The following RAB18 variants were observed in gnomAD, a reference collection of about 807,000 sequenced individuals.
RAB18 encodes the protein RAB18, member RAS oncogene family.
A neutral mutation model predicts 28.5 loss-of-function variants in RAB18; 10 were observed. The ratio of observed to expected loss-of-function variants is 0.35; its 90% CI spans 0.22 to 0.60. The LOEUF (loss-of-function observed/expected upper bound fraction) is 0.60. Ranked by LOEUF, RAB18 falls within the 20% of genes least tolerant of loss-of-function variation. RAB18 has a pLI of 0.78. For synonymous variants in RAB18, 93 were observed against 86.9 expected, an observed-to-expected ratio of 1.07 and a Z score of -0.39; for missense variants, 188 against 244.2, an observed-to-expected ratio of 0.77 and a Z score of 1.53.
rs1163930125 is a variant in RAB18, at chr10:27,541,206, T to C, written c.*3155T>C. On this transcript the variant is annotated 3_prime_UTR_variant, in exon 7 of 7. Coordinates refer to ENST00000356940, the MANE Select transcript of RAB18 (RefSeq NM_021252.5). The stretch of plus-strand genomic sequence containing the variant: ...AGCTTTCAGAAGACATTGTTCTGAC[T>C]CCGACCCTGCCGTGTATACTCAACT... 1 of 454,114 alleles carries C rather than the reference T, an allele frequency of 2.2e-6. No homozygotes were observed. The highest frequency in any genetic ancestry group is 4.4e-6 in the Non-Finnish European group (1 of 226,790). The allele number at this position is 454,114 out of a possible 1,614,324, so 28.1% of individuals were successfully genotyped here. A position where few individuals can be genotyped will look rare whatever the true frequency, so the allele number is the denominator to read the frequency against.
At chr10:27,525,889 G>T (rs1424862844) in intron 2 of RAB18, among the ~76,000 whole-genome samples, 1 of 152,196 alleles carries the variant, frequency 6.6e-6, no homozygotes, top group African/African-American at 2.4e-5. Context: ...GTTCATCTTA[G>T]TTGGGGCTGT....
At chr10:27,528,655 T>G (rs1401356493) in intron 3 of RAB18, among the ~76,000 whole-genome samples, 1 of 152,122 alleles carries the variant, frequency 6.6e-6, no homozygotes, top group East Asian at 1.9e-4. Flanking sequence ...CAGTGAGAGA[T>G]ACTTACATTT....
In RAB18 at chr10:27,541,948, C is replaced by T. The variant is rs1040069995; in HGVS notation, c.*3897C>T. ...CCCCACTTCCCCAGTAGCAATGGTT[C>T]AGGGGTAGGCACCTGACCCAGACCA... On this transcript the variant is annotated 3_prime_UTR_variant, in exon 7 of 7. Transcript: ENST00000356940. 3 of 453,718 alleles carry T rather than the reference C, an allele frequency of 6.6e-6. No homozygotes were observed. Among genetic ancestry groups the T allele is most frequent in the Admixed American group, 2.4e-5 (1 of 42,508 alleles). The allele number at this position is 453,718 out of a possible 1,614,324, so 28.1% of individuals were successfully genotyped here.
In RAB18 at chr10:27,538,262, A is replaced by G. The variant is rs1202542631; in HGVS notation, c.*211A>G. ...TTTGCAGTCTACAGTTTTTTTATGTAGCACAAAATAGGTGTACCTTTATAA... is the reference window on the plus strand; with the variant it reads ...TTTGCAGTCTACAGTTTTTTTATGTGGCACAAAATAGGTGTACCTTTATAA... On this transcript the variant is annotated 3_prime_UTR_variant, in exon 7 of 7. Coordinates refer to ENST00000356940, the MANE Select transcript of RAB18 (RefSeq NM_021252.5). The G allele has an allele frequency of 2.9e-6, 2 of 679,146 alleles. No homozygotes were observed. Among genetic ancestry groups the G allele is most frequent in the African/African-American group, 3.5e-5 (2 of 56,638 alleles). 42.1% of individuals were successfully genotyped at this position (679,146 alleles called of 1,614,324 possible).
Position 27,504,330 on chromosome 10 carries a change from C to G in RAB18, c.-40C>G. 9 of 1,555,872 alleles carry G rather than the reference C, an allele frequency of 5.8e-6. No homozygotes were observed. Among genetic ancestry groups the G allele is most frequent in the Middle Eastern group, 2.2e-4 (1 of 4,600 alleles). On this transcript the variant is annotated 5_prime_UTR_variant, in exon 1 of 7. Coordinates refer to ENST00000356940, the MANE Select transcript of RAB18 (RefSeq NM_021252.5). Reference sequence around the variant, plus strand: ...CTCTGCTGAAGGGCTGAGAGGCGCACCCGGGCGGCCAGCTGGGCTCGGAGC... The same window carrying G: ...CTCTGCTGAAGGGCTGAGAGGCGCAGCCGGGCGGCCAGCTGGGCTCGGAGC...
chr10:27,520,999 T>C (rs546446601), intron 2 of RAB18, among the ~76,000 whole-genome samples: 12 of 151,950 alleles, frequency 7.9e-5, no homozygotes, highest in African/African-American at 2.7e-4. Flanking sequence ...TTTAATATAT[T>C]GTATTTTTAT....
chr10:27,521,053 G>T, intron 2 of RAB18, among the ~76,000 whole-genome samples: 1 of 149,056 alleles, frequency 6.7e-6, no homozygotes, highest in Non-Finnish European at 1.5e-5. Context: ...GATTTTATTG[G>T]TTGTTTAAAA....
intron 2 of RAB18, among the ~76,000 whole-genome samples, chr10:27,521,669 T>C (rs933406940): frequency 2.0e-5 from 3 of 152,086 alleles, no homozygotes; most frequent in Non-Finnish European, 4.4e-5. Flanking sequence ...GGCATAAGAA[T>C]GATACAGTGG....
intron 2 of RAB18, among the ~76,000 whole-genome samples, chr10:27,524,057 C>T (rs1475741190): frequency 6.6e-6 from 1 of 151,590 alleles, no homozygotes. Flanking sequence ...TCCAGCCTGG[C>T]CAACAGAGCA....
intron 2 of RAB18, among the ~76,000 whole-genome samples, chr10:27,521,617 TG>T (rs1760845930): frequency 6.6e-6 from 1 of 152,158 alleles, no homozygotes; most frequent in African/African-American, 2.4e-5. Flanking sequence ...AAACATTGTA[TG>T]TTCTCATTTA....
At chr10:27,523,062 A>G (rs189272507) in intron 2 of RAB18, among the ~76,000 whole-genome samples, 6 of 151,326 alleles carry the variant, frequency 4.0e-5, no homozygotes, top group East Asian at 1.9e-4. Flanking sequence ...TGCTTTTTCT[A>G]TTGTCTTAGT....
chr10:27,525,919 G>A (rs1834663013), intron 2 of RAB18, among the ~76,000 whole-genome samples: 2 of 152,188 alleles, frequency 1.3e-5, no homozygotes, highest in Admixed American at 1.3e-4. Flanking sequence ...ATTGTGACAA[G>A]CTAATAAGAT....
At chr10:27,516,634 A>G (rs2138987743) in intron 2 of RAB18, among the ~76,000 whole-genome samples, 1 of 152,222 alleles carries the variant, frequency 6.6e-6, no homozygotes, top group South Asian at 2.1e-4. Context: ...TACCTTAGTC[A>G]GAAGGCTGGG....
chr10:27,518,395 C>CTATT (rs1225355868), intron 2 of RAB18, among the ~76,000 whole-genome samples: 1 of 152,106 alleles, frequency 6.6e-6, no homozygotes, highest in Non-Finnish European at 1.5e-5. Flanking sequence ...TACCCCTCAC[C>CTATT]TATTATATAT....
chr10:27,534,575 C>A (rs1032229644), intron 6 of RAB18, among the ~76,000 whole-genome samples: 10 of 152,206 alleles, frequency 6.6e-5, no homozygotes, highest in Admixed American at 6.5e-4. Context: ...AGAGGCCATA[C>A]GGCCCACGAA....
At chr10:27,504,537 C>G (rs1459657036) in intron 1 of RAB18, 100 bp downstream of exon 1, 2 of 1,375,952 alleles carry the variant, frequency 1.5e-6, no homozygotes, top group African/African-American at 1.4e-5. Context: ...ACTGCAGCGG[C>G]GGGCTCGGGC....
At chr10:27,530,855 A>C (rs1487517672) in intron 3 of RAB18, among the ~76,000 whole-genome samples, 1 of 151,972 alleles carries the variant, frequency 6.6e-6, no homozygotes, top group Non-Finnish European at 1.5e-5. Flanking sequence ...TAGTGATCAA[A>C]AAAGATCACT....
chr10:27,541,744 A>G lies in RAB18; in HGVS notation c.*3693A>G, dbSNP rs775638585. On this transcript the variant is annotated 3_prime_UTR_variant, in exon 7 of 7. Transcript: ENST00000356940. ...GAGTACTTTTAATATTTTATTGGATATGTTTGTGACTGACTTTAATTTCTT... is the reference window on the plus strand; with the variant it reads ...GAGTACTTTTAATATTTTATTGGATGTGTTTGTGACTGACTTTAATTTCTT... 4 of 451,960 alleles carry G rather than the reference A, an allele frequency of 8.9e-6. No individual in the cohort carries two copies. Among genetic ancestry groups the G allele is most frequent in the South Asian group, 6.2e-5 (4 of 64,354 alleles). The allele number at this position is 451,960 out of a possible 1,614,324, so 28.0% of individuals were successfully genotyped here.
chr10:27,513,099 A>G (rs1454689785), intron 2 of RAB18, among the ~76,000 whole-genome samples: 1 of 149,918 alleles, frequency 6.7e-6, no homozygotes, highest in Non-Finnish European at 1.5e-5. Context: ...GTGGTGCATG[A>G]TCTCAGCTCA....
Sources: gnomAD v4.1 joint callset for allele counts (sites outside exome capture counted in the v4.1 genomes callset) on GRCh38, gnomAD v4.1.1 for gene constraint, MANE v1.5 for transcripts, NCBI Gene and HGNC (gene_info 2026-07-23, HGNC 2026-07-21) for gene names.